DNAJB6: variants seen among roughly 807,000 people sequenced by gnomAD.
DNAJB6 encodes the protein DnaJ heat shock protein family (Hsp40) member B6.
Under a neutral mutation model 42.7 loss-of-function variants are expected in DNAJB6, and 16 were observed. The ratio of observed to expected loss-of-function variants is 0.37; its 90% confidence interval spans 0.25 to 0.57. The LOEUF (loss-of-function observed/expected upper bound fraction) is 0.57. Ranked by LOEUF, DNAJB6 falls within the 20% of genes least tolerant of loss-of-function variation. DNAJB6 has a pLI of 0.74. For synonymous variants in DNAJB6, 170 were observed against 163.5 expected, an observed-to-expected ratio of 1.04 and a Z score of -0.30; for missense variants, 347 against 416.8, an observed-to-expected ratio of 0.83 and a Z score of 1.46.
At chr7:157,403,479 T>C (rs574013591) in intron 8 of DNAJB6, among the ~76,000 whole-genome samples, 2 of 152,316 alleles carry the variant, frequency 1.3e-5, no homozygotes, top group South Asian at 4.1e-4. Context: ...TTGTTTGTTT[T>C]TTTTGAGACA....
intron 1 of DNAJB6, among the ~76,000 whole-genome samples, chr7:157,347,197 T>C (rs536005888): frequency 6.6e-6 from 1 of 152,364 alleles, no homozygotes; most frequent in African/African-American, 2.4e-5. Flanking sequence ...TATTTGTATT[T>C]AATTTATATT....
At chr7:157,385,078 G>C in intron 7 of DNAJB6, 70 bp downstream of exon 7, 4 of 1,500,198 alleles carry the variant, frequency 2.7e-6, no homozygotes, top group Non-Finnish European at 3.6e-6. Flanking sequence ...CATGTTGCAC[G>C]TCTCCCAGAG....
intron 1 of DNAJB6, among the ~76,000 whole-genome samples, chr7:157,353,218 G>A (rs371498568): frequency 4.0e-5 from 6 of 150,552 alleles, no homozygotes; most frequent in South Asian, 2.1e-4. Flanking sequence ...GTGAGCTGCC[G>A]CACCCGGTCC....
At chr7:157,357,471 C>T (rs916347612) in intron 1 of DNAJB6, among the ~76,000 whole-genome samples, 5 of 150,540 alleles carry the variant, frequency 3.3e-5, no homozygotes, top group South Asian at 2.1e-4. Context: ...ACCACGATGC[C>T]GGCTAATTTT....
intron 8 of DNAJB6, among the ~76,000 whole-genome samples, chr7:157,406,189 C>T (rs950113227): frequency 3.9e-5 from 6 of 152,378 alleles, no homozygotes; most frequent in African/African-American, 9.6e-5. Flanking sequence ...CGCTCCCTGT[C>T]CATGCCGGCA....
intron 1 of DNAJB6, among the ~76,000 whole-genome samples, chr7:157,347,045 C>T (rs369775470): frequency 1.3e-5 from 2 of 152,030 alleles, no homozygotes; most frequent in East Asian, 3.9e-4. Context: ...TTAGTAGAGA[C>T]GGGGTTTCAC....
chr7:157,380,519 G>C (rs895483408), intron 5 of DNAJB6: 5 of 152,202 alleles, frequency 3.3e-5, no homozygotes, highest in Admixed American at 3.3e-4. Context: ...TGGAATGTGG[G>C]CAGTAACTTG....
intron 2 of DNAJB6, among the ~76,000 whole-genome samples, chr7:157,360,408 A>G (rs1427278637): frequency 2.6e-5 from 4 of 152,136 alleles, no homozygotes; most frequent in Non-Finnish European, 5.9e-5. Context: ...TCAAGTTGAG[A>G]TTTGGGTGGG....
intron 5 of DNAJB6, among the ~76,000 whole-genome samples, chr7:157,375,807 C>G (rs1202387583): frequency 6.6e-6 from 1 of 152,230 alleles, no homozygotes; most frequent in African/African-American, 2.4e-5. Context: ...TCATGCTTGC[C>G]TTTTGAATCT....
intron 8 of DNAJB6, among the ~76,000 whole-genome samples, chr7:157,409,225 G>C (rs975550601): frequency 6.6e-6 from 1 of 152,152 alleles, no homozygotes; most frequent in East Asian, 1.9e-4. Context: ...TTGAGAAGCC[G>C]GCCCGTCTTG....
chr7:157,339,060 A>T (rs529694221), intron 1 of DNAJB6, among the ~76,000 whole-genome samples: 2 of 152,306 alleles, frequency 1.3e-5, no homozygotes, highest in East Asian at 3.9e-4. Flanking sequence ...CCGGAACACT[A>T]GGTGGGGAGT....
At chr7:157,352,519 C>T (rs1196350657) in intron 1 of DNAJB6, among the ~76,000 whole-genome samples, 2 of 151,760 alleles carry the variant, frequency 1.3e-5, no homozygotes, top group East Asian at 1.9e-4. Context: ...TTTGGAGGTC[C>T]TTTGACTATT....
At chr7:157,365,968 C>G (rs958891215) in intron 3 of DNAJB6, among the ~76,000 whole-genome samples, 1 of 34,064 alleles carries the variant, frequency 2.9e-5, no homozygotes, top group African/African-American at 6.9e-5. Context: ...GTGGCTAAGT[C>G]CCCCCCGCGC....
intron 3 of DNAJB6, among the ~76,000 whole-genome samples, chr7:157,364,689 A>G (rs1474816811): frequency 6.6e-6 from 1 of 152,190 alleles, no homozygotes; most frequent in East Asian, 1.9e-4. Flanking sequence ...TTTAGGGACT[A>G]GTAACATTAG....
intron 8 of DNAJB6, 65 bp from the exon 9 acceptor site, chr7:157,409,730 T>C (rs1795902071): frequency 1.4e-6 from 2 of 1,450,486 alleles, no homozygotes; most frequent in Non-Finnish European, 1.8e-6. Context: ...TCCCTCCCTC[T>C]GCTCTGGATG....
intron 5 of DNAJB6, among the ~76,000 whole-genome samples, chr7:157,368,205 G>T (rs1799936961): frequency 6.6e-6 from 1 of 152,138 alleles, no homozygotes; most frequent in Admixed American, 6.5e-5. Flanking sequence ...AAATAATAAA[G>T]GGTTTAATGT....
intron 8 of DNAJB6, among the ~76,000 whole-genome samples, chr7:157,386,619 AC>A (rs1801073910): frequency 6.4e-5 from 2 of 31,100 alleles, no homozygotes; most frequent in African/African-American, 1.7e-4. Context: ...CGGTAGCTCA[AC>A]GCCTGTAATC....
At chr7:157,360,215 A>C (rs553935371) in intron 2 of DNAJB6, among the ~76,000 whole-genome samples, 2 of 152,284 alleles carry the variant, frequency 1.3e-5, no homozygotes, top group African/African-American at 4.8e-5. Flanking sequence ...AGGGCGAAAG[A>C]CACTTCTTAC....
intron 8 of DNAJB6, among the ~76,000 whole-genome samples, chr7:157,393,331 C>G (rs142543300): frequency 9.9e-4 from 150 of 152,240 alleles, no homozygotes; most frequent in African/African-American, 3.5e-3. Context: ...TTGGAAAACT[C>G]TATAAATTTT....
Sources: gnomAD v4.1 joint callset for allele counts (sites outside exome capture counted in the v4.1 genomes callset) on GRCh38, gnomAD v4.1.1 for gene constraint, MANE v1.5 for transcripts, NCBI Gene and HGNC (gene_info 2026-07-23, HGNC 2026-07-21) for gene names.